KCND2: variants seen among roughly 807,000 people sequenced by gnomAD.
KCND2 encodes A-type voltage-gated potassium channel KCND2.
A neutral mutation model predicts 54.4 loss-of-function variants in KCND2; 16 were observed. The observed-to-expected ratio is 0.29, with a 90% confidence interval of 0.20 to 0.45. The LOEUF is 0.45. Among genes scored for constraint, KCND2 ranks in the 20% least tolerant of loss-of-function variants. The probability of loss-of-function intolerance (pLI) is 1.00; values close to 1 mark genes in which losing one functional copy is unlikely to be tolerated. For missense variants in KCND2, 486 were observed against 824.2 expected, an observed-to-expected ratio of 0.59 and a Z score of 5.02; for synonymous variants, 317 against 310.7, an observed-to-expected ratio of 1.02 and a Z score of -0.21.
intron 1 of KCND2, among the ~76,000 whole-genome samples, chr7:120,606,505 T>G (rs1413885993): frequency 6.6e-6 from 1 of 152,112 alleles, no homozygotes; most frequent in Non-Finnish European, 1.5e-5. Flanking sequence ...CTTTTATGAT[T>G]TTAACAGTCA....
chr7:120,686,522 A>C (rs969059115), intron 1 of KCND2, among the ~76,000 whole-genome samples: 3 of 152,214 alleles, frequency 2.0e-5, no homozygotes, highest in South Asian at 4.1e-4. Context: ...AGTTGGAGGC[A>C]AGTTTTAGAG....
At chr7:120,531,835 G>A (rs2116365431) in intron 1 of KCND2, among the ~76,000 whole-genome samples, 1 of 152,106 alleles carries the variant, frequency 6.6e-6, no homozygotes, top group Admixed American at 6.6e-5. Flanking sequence ...ATATTTTTTA[G>A]TTTAATTTCT....
intron 1 of KCND2, among the ~76,000 whole-genome samples, chr7:120,691,467 A>G (rs1163211233): frequency 1.3e-5 from 2 of 152,184 alleles, no homozygotes; most frequent in Non-Finnish European, 2.9e-5. Context: ...TTGGACAGTG[A>G]CTGTAAGAGA....
chr7:120,711,050 T>C (rs1345661170), intron 1 of KCND2, among the ~76,000 whole-genome samples: 3 of 152,142 alleles, frequency 2.0e-5, no homozygotes, highest in African/African-American at 7.2e-5. Flanking sequence ...AATATACAAG[T>C]GTATTTTCTT....
chr7:120,602,690 A>C (rs561200171), intron 1 of KCND2, among the ~76,000 whole-genome samples: 23 of 152,362 alleles, frequency 1.5e-4, no homozygotes, highest in African/African-American at 5.3e-4. Context: ...CTCAAGAAAT[A>C]ACTACTTCAA....
chr7:120,661,074 T>G (rs994287383), intron 1 of KCND2, among the ~76,000 whole-genome samples: 13 of 152,142 alleles, frequency 8.5e-5, no homozygotes, highest in African/African-American at 3.1e-4. Context: ...ATCACCAGAA[T>G]AGTGAACATC....
intron 1 of KCND2, among the ~76,000 whole-genome samples, chr7:120,571,937 T>A (rs1792371069): frequency 6.6e-6 from 1 of 152,244 alleles, no homozygotes; most frequent in South Asian, 2.1e-4. Flanking sequence ...ATGGTAAAAC[T>A]AGGAATAGTG....
At chr7:120,388,351 A>C (rs974550433) in intron 1 of KCND2, among the ~76,000 whole-genome samples, 1 of 152,104 alleles carries the variant, frequency 6.6e-6, no homozygotes, top group African/African-American at 2.4e-5. Flanking sequence ...TGGGTCCAAC[A>C]GTATCTGCAT....
intron 1 of KCND2, among the ~76,000 whole-genome samples, chr7:120,410,089 C>T (rs1801425183): frequency 6.6e-6 from 1 of 151,628 alleles, no homozygotes; most frequent in Admixed American, 6.6e-5. Flanking sequence ...TATTATTATT[C>T]CTTTTTGCAC....
chr7:120,448,701 C>T (rs1330775881), intron 1 of KCND2, among the ~76,000 whole-genome samples: 3 of 152,044 alleles, frequency 2.0e-5, no homozygotes, highest in Non-Finnish European at 4.4e-5. Context: ...CAGAATCCAG[C>T]AGCACATCAA....
intron 1 of KCND2, among the ~76,000 whole-genome samples, chr7:120,551,367 T>A (rs1024349076): frequency 6.6e-6 from 1 of 152,214 alleles, no homozygotes; most frequent in African/African-American, 2.4e-5. Context: ...TTGTTCATAT[T>A]TGTTCAGTCA....
At chr7:120,451,962 A>G (rs1174883176) in intron 1 of KCND2, among the ~76,000 whole-genome samples, 1 of 152,266 alleles carries the variant, frequency 6.6e-6, no homozygotes, top group Non-Finnish European at 1.5e-5. Flanking sequence ...TAGATAGTCT[A>G]TAAGGCTAAT....
chr7:120,299,648 T>A (rs1489847816), intron 1 of KCND2, among the ~76,000 whole-genome samples: 1 of 152,176 alleles, frequency 6.6e-6, no homozygotes, highest in Non-Finnish European at 1.5e-5. Flanking sequence ...TCAAGTTCTC[T>A]GCCAAATGAA....
chr7:120,527,580 G>C (rs1406658677), intron 1 of KCND2, among the ~76,000 whole-genome samples: 2 of 152,074 alleles, frequency 1.3e-5, no homozygotes, highest in Non-Finnish European at 2.9e-5. Context: ...CAAGTGGTCA[G>C]ATCCTGCTGC....
In KCND2 at chr7:120,658,781, CA is replaced by C. The variant is rs1161885670; in HGVS notation, c.1116-74118del. ...TTATAATCATCTTACTGCCTTACAT[CA>C]AAATACTATGTTACATGTCAGTACA... On this transcript the variant is annotated intron_variant, in intron 1 of 5. Transcript: ENST00000331113. 3.9e-5 allele frequency among the ~76,000 whole-genome samples: 6 copies of C among 152,150 alleles called. No homozygotes were observed. The East Asian group carries it at 1.2e-3, about 29-fold the overall frequency.
intron 1 of KCND2, among the ~76,000 whole-genome samples, chr7:120,728,639 G>A (rs919838941): frequency 6.6e-6 from 1 of 151,760 alleles, no homozygotes; most frequent in Non-Finnish European, 1.5e-5. Flanking sequence ...AGGCTTTAGG[G>A]GCTTCTTGTA....
chr7:120,344,418 T>C (rs1800283192), intron 1 of KCND2, among the ~76,000 whole-genome samples: 1 of 152,166 alleles, frequency 6.6e-6, no homozygotes, highest in Non-Finnish European at 1.5e-5. Context: ...AGAACAGCTT[T>C]AAACCAGCAC....
intron 1 of KCND2, among the ~76,000 whole-genome samples, chr7:120,365,448 A>G (rs575351760): frequency 3.3e-5 from 5 of 152,234 alleles, no homozygotes; most frequent in African/African-American, 9.6e-5. Context: ...CTGTAAGGCC[A>G]TGTATACATA....
At chr7:120,691,750 T>C (rs1430690339) in intron 1 of KCND2, among the ~76,000 whole-genome samples, 1 of 152,066 alleles carries the variant, frequency 6.6e-6, no homozygotes, top group Non-Finnish European at 1.5e-5. Flanking sequence ...TGACTAGATG[T>C]CATCAACAAG....
Sources: gnomAD v4.1 joint callset for allele counts (sites outside exome capture counted in the v4.1 genomes callset) on GRCh38, gnomAD v4.1.1 for gene constraint, MANE v1.5 for transcripts, NCBI Gene and HGNC (gene_info 2026-07-23, HGNC 2026-07-21) for gene names.